BAIAP2L1: variants seen among roughly 807,000 people sequenced by gnomAD.
The protein encoded by BAIAP2L1 is BAR/IMD domain-containing adapter protein 2-like 1.
A neutral mutation model predicts 66.3 loss-of-function variants in BAIAP2L1; 35 were observed. The ratio of observed to expected loss-of-function variants is 0.53; its 90% CI spans 0.40 to 0.70. BAIAP2L1 has a LOEUF of 0.70. BAIAP2L1 is among the 30% of genes least tolerant of loss of function. The pLI, the probability that BAIAP2L1 is intolerant of heterozygous loss-of-function variation, is 0.00. For missense variants in BAIAP2L1, 622 were observed against 656.9 expected (o/e 0.95, Z 0.58); for synonymous variants, 269 against 248.7 (o/e 1.08, Z -0.77).
chr7:98,302,015 G>C (rs758679473), intron 12 of BAIAP2L1, among the ~76,000 whole-genome samples: 1 of 152,180 alleles, frequency 6.6e-6, no homozygotes. Flanking sequence ...TGGGAAGCCG[G>C]TAAGAGGCGT....
intron 3 of BAIAP2L1, among the ~76,000 whole-genome samples, chr7:98,328,451 A>T (rs1801421753): frequency 6.6e-6 from 1 of 152,120 alleles, no homozygotes; most frequent in Non-Finnish European, 1.5e-5. Flanking sequence ...TGGTATTCTC[A>T]TCTGTGTAGA....
chr7:98,363,772 C>T (rs1484308663), intron 1 of BAIAP2L1, among the ~76,000 whole-genome samples: 6 of 152,132 alleles, frequency 3.9e-5, no homozygotes, highest in Admixed American at 1.3e-4. Flanking sequence ...TTTATATAGA[C>T]GACCAGATGC....
At chr7:98,385,431 T>C (rs1474877163) in intron 1 of BAIAP2L1, among the ~76,000 whole-genome samples, 1 of 152,134 alleles carries the variant, frequency 6.6e-6, no homozygotes, top group Admixed American at 6.6e-5. Flanking sequence ...ATCATTTCTT[T>C]TTCTTTTGAG....
rs893932491 is a variant in BAIAP2L1, at chr7:98,360,774, T to C, written c.127+1583A>G. Among the ~76,000 whole-genome samples the C allele has an allele frequency of 6.6e-5, 10 of 152,236 alleles. No homozygotes were observed. In the East Asian group the frequency reaches 1.5e-3, roughly 23 times the overall value. ...AGAGTCAGCAGTGCACAGCTCTGGC[T>C]TTCTGGAGGACAGGGGCACTTGCAG... On this transcript the variant is annotated intron_variant, in intron 2 of 13. Coordinates refer to ENST00000005260, the MANE Select transcript of BAIAP2L1 (RefSeq NM_018842.5).
At chr7:98,303,766 T>A (rs1800521655) in intron 12 of BAIAP2L1, among the ~76,000 whole-genome samples, 1 of 152,186 alleles carries the variant, frequency 6.6e-6, no homozygotes, top group African/African-American at 2.4e-5. Context: ...GGGTTAAAGA[T>A]AACATCCACA....
chr7:98,307,495 ATG>A, intron 10 of BAIAP2L1, 192 bp downstream of exon 10: 1 of 1,431,702 alleles, frequency 7.0e-7, no homozygotes, highest in Non-Finnish European at 9.1e-7. Flanking sequence ...CATGCACCAA[ATG>A]TATCTCTACA....
At chr7:98,338,379 G>GCCATTGCA (rs1470364939) in intron 3 of BAIAP2L1, among the ~76,000 whole-genome samples, 1 of 149,318 alleles carries the variant, frequency 6.7e-6, no homozygotes, top group Non-Finnish European at 1.5e-5. Context: ...CCGAGATTGC[G>GCCATTGCA]CCACTGCACT....
At chr7:98,322,855 G>C (rs7458551) in intron 3 of BAIAP2L1, 61,324 of 152,074 alleles carry the variant, frequency 0.4, 13,348 homozygotes, top group Middle Eastern at 0.55. Context: ...CCCTGCTCCC[G>C]CCATGGTGTT....
At chr7:98,348,437 G>T (rs1032106812) in intron 3 of BAIAP2L1, among the ~76,000 whole-genome samples, 17 of 151,738 alleles carry the variant, frequency 1.1e-4, no homozygotes, top group African/African-American at 3.6e-4. Flanking sequence ...CATGGTGGTG[G>T]GCACCTATAA....
chr7:98,399,875 C>T (rs1803311422), intron 1 of BAIAP2L1: 1 of 152,144 alleles, frequency 6.6e-6, no homozygotes, highest in African/African-American at 2.4e-5. Flanking sequence ...CTTCAAGAAC[C>T]TCACCAAATA....
At chr7:98,386,679 T>C in intron 1 of BAIAP2L1, 1 of 579,660 alleles carries the variant, frequency 1.7e-6, no homozygotes, top group Non-Finnish European at 3.0e-6. Flanking sequence ...TCTCCTATAT[T>C]CAACTTTCCA....
At chr7:98,391,732 A>G (rs1487222845) in intron 1 of BAIAP2L1, among the ~76,000 whole-genome samples, 3 of 151,594 alleles carry the variant, frequency 2.0e-5, no homozygotes, top group South Asian at 2.1e-4. Context: ...AAAAAAATCT[A>G]AAACTCAAGT....
At chr7:98,293,986 C>T (rs971920027) in intron 13 of BAIAP2L1, 88 bp downstream of exon 13, 165 of 1,457,044 alleles carry the variant, frequency 1.1e-4, no homozygotes, top group Non-Finnish European at 1.4e-4. Flanking sequence ...GCTGGACCCC[C>T]TGGGCTGGGC....
Position 98,292,510 on chromosome 7 carries a change from CCT to C in BAIAP2L1, c.*1009_*1010del. 1 of 907,944 alleles carries C rather than the reference CCT, an allele frequency of 1.1e-6. No homozygotes were observed. The highest frequency in any genetic ancestry group is 1.7e-6 in the Non-Finnish European group (1 of 581,410). 56.2% of individuals were successfully genotyped at this position (907,944 alleles called of 1,614,324 possible). A position where few individuals can be genotyped will look rare whatever the true frequency, so the allele number is the denominator to read the frequency against. ...TCTCCACTCCAAAATAGGTCCAGAT[CCT>C]TGGCAGCCAAAGATGATTTCCAGCC... is the stretch of plus-strand genomic sequence containing the variant. On this transcript the variant is annotated 3_prime_UTR_variant, in exon 14 of 14. Coordinates refer to ENST00000005260, the MANE Select transcript of BAIAP2L1 (RefSeq NM_018842.5).
At chr7:98,303,327 AAAGC>A (rs1800503006) in intron 12 of BAIAP2L1, among the ~76,000 whole-genome samples, 1 of 152,098 alleles carries the variant, frequency 6.6e-6, no homozygotes, top group South Asian at 2.1e-4. Context: ...CCTTCGCCCC[AAAGC>A]AAGACAGCTC....
chr7:98,325,988 A>G (rs1801373675), intron 3 of BAIAP2L1, among the ~76,000 whole-genome samples: 1 of 152,236 alleles, frequency 6.6e-6, no homozygotes, highest in Admixed American at 6.5e-5. Context: ...GGTCAGTACC[A>G]ACACTGCACA....
intron 1 of BAIAP2L1, among the ~76,000 whole-genome samples, chr7:98,381,288 T>C (rs1323043194): frequency 1.3e-5 from 2 of 152,192 alleles, no homozygotes. Context: ...TGGAGAAAAC[T>C]CTCCGTGAGA....
At chr7:98,316,087 C>T (rs1801068329) in intron 6 of BAIAP2L1, among the ~76,000 whole-genome samples, 1 of 152,124 alleles carries the variant, frequency 6.6e-6, no homozygotes, top group South Asian at 2.1e-4. Flanking sequence ...GCAGGTCTTT[C>T]CCATGCCATT....
rs371162469 is a variant in BAIAP2L1 at position 98,342,999 on chromosome 7, A to G, written c.214+12043T>C. ...CTTTATCACGTGTGATAAAGGATTT[A>G]ACTTTATCACACGTGATAAAGTCAC... On this transcript the variant is annotated intron_variant, in intron 3 of 13. Transcript: ENST00000005260. Among the ~76,000 whole-genome samples the G allele has an allele frequency of 1.2e-4, 18 of 152,032 alleles. No homozygotes were observed. The East Asian group carries it at 3.3e-3, about 28-fold the overall frequency.
Sources: gnomAD v4.1 joint callset for allele counts (sites outside exome capture counted in the v4.1 genomes callset) on GRCh38, gnomAD v4.1.1 for gene constraint, MANE v1.5 for transcripts, NCBI Gene and HGNC (gene_info 2026-07-23, HGNC 2026-07-21) for gene names.